CRPPA: variants seen among roughly 807,000 people sequenced by gnomAD.
The protein encoded by CRPPA is D-ribitol-5-phosphate cytidylyltransferase.
A neutral mutation model predicts 52.0 loss-of-function variants in CRPPA; 43 were observed. That is an observed-to-expected ratio of 0.83 (90% CI 0.65 to 1.07). The LOEUF is 1.07. Among genes scored for constraint, CRPPA ranks in the 50% least tolerant of loss-of-function variants. CRPPA has a pLI of 0.00. For synonymous variants in CRPPA, 250 were observed against 203.5 expected (o/e 1.23, Z -1.94); for missense variants, 629 against 551.7 (o/e 1.14, Z -1.40).
intron 6 of CRPPA, among the ~76,000 whole-genome samples, chr7:16,261,436 G>A (rs375812862): frequency 1.3e-5 from 2 of 151,978 alleles, no homozygotes; most frequent in African/African-American, 2.4e-5. Context: ...AATCTAAAAC[G>A]TTTATTAGAT....
chr7:16,348,597 G>A (rs4129705), intron 3 of CRPPA, among the ~76,000 whole-genome samples: 5,018 of 152,260 alleles, frequency 0.033, 306 homozygotes, highest in African/African-American at 0.12. Context: ...AAATATAAGG[G>A]CTACGCCCTT....
intron 8 of CRPPA, among the ~76,000 whole-genome samples, chr7:16,257,471 T>A (rs1290758794): frequency 6.6e-6 from 1 of 152,128 alleles, no homozygotes. Context: ...GATGCAACCA[T>A]GAAAGTTATC....
At chr7:16,290,005 T>G (rs1317610989) in intron 5 of CRPPA, among the ~76,000 whole-genome samples, 3 of 152,124 alleles carry the variant, frequency 2.0e-5, no homozygotes, top group African/African-American at 7.2e-5. Context: ...CAAAAATCAG[T>G]CATATTTTCA....
rs199607912 is a variant in CRPPA, at chr7:16,376,369, GAGTA to G, written c.535-132_535-129del. 1,371 of 901,278 alleles carry G rather than the reference GAGTA, an allele frequency of 1.5e-3. 11 individuals are homozygous for G. In the African/African-American group the frequency reaches 0.021, roughly 14 times the overall value. The allele number at this position is 901,278 out of a possible 1,614,324, so 55.8% of individuals were successfully genotyped here. On this transcript the variant is annotated intron_variant, in intron 2 of 9. Coordinates refer to ENST00000407010, the MANE Select transcript of CRPPA (RefSeq NM_001101426.4). ...AACAAGCTACCTTAAGAAAACATCT[GAGTA>G]AGTGTGATTGGTTCAAAAATGGTTA...
chr7:16,388,410 G>A (rs569736105), intron 2 of CRPPA, among the ~76,000 whole-genome samples: 1 of 152,220 alleles, frequency 6.6e-6, no homozygotes, highest in Admixed American at 6.5e-5. Context: ...AGCCCTTTGA[G>A]GAAAATGTAT....
chr7:16,397,243 C>A (rs528920243), intron 2 of CRPPA, among the ~76,000 whole-genome samples: 11 of 152,212 alleles, frequency 7.2e-5, no homozygotes, highest in Non-Finnish European at 1.3e-4. Flanking sequence ...TAACATGTAA[C>A]TGACATGTAC....
intron 9 of CRPPA, among the ~76,000 whole-genome samples, chr7:16,148,851 T>A (rs1200611052): frequency 1.3e-5 from 2 of 152,188 alleles, no homozygotes; most frequent in Admixed American, 1.3e-4. Context: ...GATAAAAGGC[T>A]GAGCTGATGG....
rs144351911 is a variant in CRPPA, at chr7:16,169,252, G to T, written c.1251+46814C>A. Reference sequence around the variant, plus strand: ...TTAAAAGGGAAGAAAATATGACAGGGGAAGTTTAAAAAGTACATGTACTAC... The same window carrying T: ...TTAAAAGGGAAGAAAATATGACAGGTGAAGTTTAAAAAGTACATGTACTAC... On this transcript the variant is annotated intron_variant, in intron 9 of 9. Coordinates refer to ENST00000407010, the MANE Select transcript of CRPPA (RefSeq NM_001101426.4). Among the ~76,000 whole-genome samples, 5 of 152,112 alleles carry T rather than the reference G, an allele frequency of 3.3e-5. No homozygotes were observed. In the East Asian group the frequency reaches 9.7e-4, roughly 29 times the overall value.
At chr7:16,328,505 TG>T (rs956468346) in intron 3 of CRPPA, among the ~76,000 whole-genome samples, 5 of 152,106 alleles carry the variant, frequency 3.3e-5, no homozygotes, top group African/African-American at 9.7e-5. Flanking sequence ...CCAGGGTTTT[TG>T]GGGGGTTTGT....
intron 3 of CRPPA, among the ~76,000 whole-genome samples, chr7:16,323,827 A>G (rs573282952): frequency 1.3e-4 from 19 of 151,964 alleles, no homozygotes; most frequent in African/African-American, 4.4e-4. Flanking sequence ...AACATTGTGC[A>G]AAAAAAAGCA....
chr7:16,369,544 G>A lies in CRPPA; in HGVS notation c.684+6548C>T, dbSNP rs183431476. Among the ~76,000 whole-genome samples, 387 of 151,776 alleles carry A rather than the reference G, an allele frequency of 2.5e-3. 4 individuals carry two copies. The highest frequency in any genetic ancestry group is 8.7e-3 in the African/African-American group (361 of 41,386). On this transcript the variant is annotated intron_variant, in intron 3 of 9. Transcript: ENST00000407010. Reference sequence around the variant, plus strand: ...AAAACAGTATAAAATAATATGAGACGGTCTTTCTCTTCCTTCACCTGCCCT... The same window carrying A: ...AAAACAGTATAAAATAATATGAGACAGTCTTTCTCTTCCTTCACCTGCCCT...
intron 8 of CRPPA, among the ~76,000 whole-genome samples, chr7:16,230,478 A>G (rs1340961464): frequency 2.6e-5 from 4 of 151,974 alleles, no homozygotes; most frequent in African/African-American, 9.7e-5. Context: ...TTCATGCATC[A>G]TCTAGTAGAA....
intron 9 of CRPPA, among the ~76,000 whole-genome samples, chr7:16,167,148 G>C (rs767600932): frequency 6.6e-6 from 1 of 152,050 alleles, no homozygotes; most frequent in Admixed American, 6.6e-5. Context: ...GGATGGTCTC[G>C]ATCTCCTGAT....
rs2128360906 is a variant in CRPPA at position 16,091,096 on chromosome 7, A to C, written c.*599T>G. ...AAATAACATACAATTTAAAAACAGA[A>C]AAGAAGGAAATGACATCTGTTTTAG... On this transcript the variant is annotated 3_prime_UTR_variant, in exon 10 of 10. Transcript: ENST00000407010. 6.6e-6 allele frequency: 1 copy of C among 152,340 alleles called. No individual in the cohort carries two copies. Among genetic ancestry groups the C allele is most frequent in the East Asian group, 1.9e-4 (1 of 5,186 alleles). 9.4% of individuals were successfully genotyped at this position (152,340 alleles called of 1,614,324 possible). A position where few individuals can be genotyped will look rare whatever the true frequency, so the allele number is the denominator to read the frequency against.
At chr7:16,103,730 A>C (rs2128364783) in intron 9 of CRPPA, among the ~76,000 whole-genome samples, 1 of 152,298 alleles carries the variant, frequency 6.6e-6, no homozygotes, top group South Asian at 2.1e-4. Context: ...GCATAAATAG[A>C]AAGCTATATA....
At chr7:16,286,068 T>TAATATTTAAAAAA (rs1784434433) in intron 5 of CRPPA, among the ~76,000 whole-genome samples, 1 of 24,064 alleles carries the variant, frequency 4.2e-5, no homozygotes, top group African/African-American at 2.6e-4. Flanking sequence ...TATATATATA[T>TAATATTTAAAAAA]ATATATATAT....
At chr7:16,403,526 G>C (rs1787880960) in intron 2 of CRPPA, among the ~76,000 whole-genome samples, 1 of 152,040 alleles carries the variant, frequency 6.6e-6, no homozygotes, top group Admixed American at 6.6e-5. Context: ...CCTTTAGGTA[G>C]AACCTGAAAA....
chr7:16,307,346 A>T (rs111680672), intron 4 of CRPPA, among the ~76,000 whole-genome samples: 73 of 152,234 alleles, frequency 4.8e-4, no homozygotes, highest in African/African-American at 1.7e-3. Context: ...CTGCAGTATG[A>T]TAGTGCCATT....
At chr7:16,148,339 GT>G (rs1236005225) in intron 9 of CRPPA, among the ~76,000 whole-genome samples, 14 of 152,082 alleles carry the variant, frequency 9.2e-5, no homozygotes, top group Non-Finnish European at 1.5e-5. Context: ...GCACTCCTAT[GT>G]TTAATGCAGC....
Sources: gnomAD v4.1 joint callset for allele counts (sites outside exome capture counted in the v4.1 genomes callset) on GRCh38, gnomAD v4.1.1 for gene constraint, MANE v1.5 for transcripts, NCBI Gene and HGNC (gene_info 2026-07-23, HGNC 2026-07-21) for gene names.